The following STPG4 variants were observed in gnomAD, a reference collection of about 807,000 sequenced individuals.
STPG4 encodes protein STPG4.
Under a neutral mutation model 31.5 loss-of-function variants are expected in STPG4, and 41 were observed. The observed-to-expected ratio is 1.30, with a 90% CI of 1.01 to 1.69. The LOEUF is 1.69. Ranked by LOEUF, STPG4 falls within the 40% of genes most tolerant of loss-of-function variation. STPG4 has a pLI of 0.00. For synonymous variants in STPG4, 141 were observed against 103.0 expected, an observed-to-expected ratio of 1.37 and a Z score of -2.24; for missense variants, 375 against 293.4, an observed-to-expected ratio of 1.28 and a Z score of -2.03.
chr2:47,110,365 G>A (rs1686010852), intron 5 of STPG4, among the ~76,000 whole-genome samples: 1 of 152,224 alleles, frequency 6.6e-6, no homozygotes, highest in African/African-American at 2.4e-5. Context: ...AGGCCAAGGT[G>A]GGCAGATCAC....
At chr2:47,089,871 G>C (rs905351215) in intron 6 of STPG4, among the ~76,000 whole-genome samples, 2 of 152,108 alleles carry the variant, frequency 1.3e-5, no homozygotes, top group African/African-American at 4.8e-5. Context: ...AAATGTTTCT[G>C]CTTCAAATTT....
intron 5 of STPG4, among the ~76,000 whole-genome samples, chr2:47,093,039 C>A (rs1247283384): frequency 6.6e-6 from 1 of 152,204 alleles, no homozygotes; most frequent in African/African-American, 2.4e-5. Context: ...GATCTGCCCG[C>A]CTCAGCCTCT....
At chr2:47,114,837 G>C (rs1419962118) in intron 5 of STPG4, among the ~76,000 whole-genome samples, 1 of 151,944 alleles carries the variant, frequency 6.6e-6, no homozygotes, top group African/African-American at 2.4e-5. Flanking sequence ...GTACGATCTT[G>C]GCTCACTGAA....
In STPG4 at chr2:47,090,328, G is replaced by T. The variant is rs1480390880; in HGVS notation, c.566C>A (p.Thr189Lys). Reference sequence around the variant, plus strand: ...TTGAAAACAAGAAGTGACAGAGCTTGTTGGAGGCATTTTCACATTATAATG... The same window carrying T: ...TTGAAAACAAGAAGTGACAGAGCTTTTTGGAGGCATTTTCACATTATAATG... ...PGHYNVKMPPTSSVTSCFQSR... is the reference protein window; with the variant it reads ...PGHYNVKMPPKSSVTSCFQSR... The change falls in exon 6 of 7, where the codon ACA (threonine) becomes AAA (lysine). Residue 189 changes from threonine (T) to lysine (K), a missense_variant. Coordinates refer to ENST00000445927, the MANE Select transcript of STPG4 (RefSeq NM_001163561.2). 1.3e-6 allele frequency: 2 copies of T among 1,551,944 alleles called. No individual in the cohort carries two copies. Among genetic ancestry groups the T allele is most frequent in the East Asian group, 2.4e-5 (1 of 40,944 alleles).
chr2:47,092,490 C>T (rs957679721), intron 5 of STPG4, among the ~76,000 whole-genome samples: 9 of 145,240 alleles, frequency 6.2e-5, no homozygotes, highest in African/African-American at 1.8e-4. Flanking sequence ...ATCATGTCAC[C>T]GCACTCCAGC....
chr2:47,128,854 A>G (rs963543367), intron 5 of STPG4: 2 of 152,260 alleles, frequency 1.3e-5, no homozygotes, highest in African/African-American at 2.4e-5. Flanking sequence ...CTCAAGCAGG[A>G]GTCTCTCTCT....
chr2:47,147,423 G>C (rs1686845559), intron 3 of STPG4, among the ~76,000 whole-genome samples: 2 of 152,170 alleles, frequency 1.3e-5, no homozygotes, highest in East Asian at 3.8e-4. Flanking sequence ...GGAGTTGAGA[G>C]GTAGCGAAAA....
intron 3 of STPG4, among the ~76,000 whole-genome samples, chr2:47,137,195 G>C (rs1444627882): frequency 6.6e-6 from 1 of 152,116 alleles, no homozygotes; most frequent in Non-Finnish European, 1.5e-5. Flanking sequence ...TTTCATAAAT[G>C]GATGTTGAAT....
At chr2:47,124,511 T>C (rs187394655) in intron 5 of STPG4, among the ~76,000 whole-genome samples, 2 of 152,298 alleles carry the variant, frequency 1.3e-5, no homozygotes, top group Admixed American at 1.3e-4. Flanking sequence ...TACAAATACA[T>C]GAGAACATGC....
chr2:47,107,380 G>GGCC (rs1558674908), intron 5 of STPG4, among the ~76,000 whole-genome samples: 1 of 152,168 alleles, frequency 6.6e-6, no homozygotes, highest in African/African-American at 2.4e-5. Context: ...CGGAGCAGCT[G>GGCC]GCCGGCCCTG....
chr2:47,088,571 C>G (rs1357271086), intron 6 of STPG4, among the ~76,000 whole-genome samples: 1 of 152,222 alleles, frequency 6.6e-6, no homozygotes, highest in Non-Finnish European at 1.5e-5. Context: ...ACTGGTGTCT[C>G]TCTAAGACAA....
intron 5 of STPG4, among the ~76,000 whole-genome samples, chr2:47,117,999 G>A (rs6729264): frequency 6.6e-6 from 1 of 151,614 alleles, no homozygotes; most frequent in Non-Finnish European, 1.5e-5. Context: ...GGTCTCAAGG[G>A]GTCCTCCCAC....
In STPG4 at chr2:47,139,419, T is replaced by TTC. The variant is rs1282902805; in HGVS notation, c.400-9160_400-9159insGA. Among the ~76,000 whole-genome samples, 75 of 151,758 alleles carry TTC rather than the reference T, an allele frequency of 4.9e-4. 2 individuals carry two copies. In the Middle Eastern group the frequency reaches 0.034, roughly 69 times the overall value. On this transcript the variant is annotated intron_variant, in intron 3 of 6. Transcript: ENST00000445927. ...CTTCTCCTGCTTTATTTTTTTTTTT[T>TTC]CAATTTGAGAGCAGGTACTGTTTAT...
At chr2:47,108,374 G>A (rs1174532028) in intron 5 of STPG4, 1 of 152,984 alleles carries the variant, frequency 6.5e-6, no homozygotes, top group East Asian at 1.9e-4. Context: ...GCTTTTATGA[G>A]CTGTAACACT....
intron 2 of STPG4, among the ~76,000 whole-genome samples, chr2:47,152,290 A>G (rs1686954094): frequency 6.6e-6 from 1 of 152,252 alleles, no homozygotes; most frequent in Admixed American, 6.5e-5. Context: ...TGGCCTAGTT[A>G]GTCCAATAAG....
intron 3 of STPG4, among the ~76,000 whole-genome samples, chr2:47,148,854 A>G (rs1686879600): frequency 2.0e-5 from 3 of 152,240 alleles, no homozygotes; most frequent in Non-Finnish European, 4.4e-5. Flanking sequence ...TACAAAAGAC[A>G]TGAACTCATC....
At chr2:47,101,071 C>T (rs1685789746) in intron 5 of STPG4, among the ~76,000 whole-genome samples, 1 of 151,856 alleles carries the variant, frequency 6.6e-6, no homozygotes, top group Non-Finnish European at 1.5e-5. Flanking sequence ...AGACCATCAC[C>T]TATCGCCAAG....
At position 47,115,894 on chromosome 2, in the gene STPG4, TC is replaced by T. The variant is rs1686144259; in HGVS notation, c.519+14046del. Among the ~76,000 whole-genome samples, 3 of 152,280 alleles carry T rather than the reference TC, an allele frequency of 2.0e-5. No individual in the cohort carries two copies. In the South Asian group the frequency reaches 6.2e-4, roughly 32 times the overall value. On this transcript the variant is annotated intron_variant, in intron 5 of 6. Transcript: ENST00000445927. ...GTCTTGAACTCCTGAGCTCAGGCAA[TC>T]CACCTGCCTCGGGCTTCCAAATTGC...
Position 47,103,455 on chromosome 2 carries a change from T to C in STPG4, c.520-13081A>G, listed in dbSNP as rs941448591. 4.0e-5 allele frequency among the ~76,000 whole-genome samples: 6 copies of C among 151,778 alleles called. 1 individual carries two copies. Among genetic ancestry groups the C allele is most frequent in the African/African-American group, 1.5e-4 (6 of 41,134 alleles). On this transcript the variant is annotated intron_variant, in intron 5 of 6. Coordinates refer to ENST00000445927, the MANE Select transcript of STPG4 (RefSeq NM_001163561.2). ...TTATTAAACCTGGCAACCTTGGTGT[T>C]CTATAAGAGGGACCAAGAGGAACAG... is the stretch of plus-strand genomic sequence containing the variant.
Sources: allele counts gnomAD v4.1 joint callset (sites outside exome capture counted in the v4.1 genomes callset), GRCh38; gene constraint gnomAD v4.1.1; transcripts MANE v1.5; gene names NCBI Gene and HGNC (gene_info 2026-07-23, HGNC 2026-07-21).